BBX: variants seen among roughly 807,000 people sequenced by gnomAD.
BBX encodes the protein HMG box transcription factor BBX.
A neutral mutation model predicts 100.2 loss-of-function variants in BBX; 30 were observed. The ratio of observed to expected loss-of-function variants is 0.30; its 90% confidence interval spans 0.22 to 0.41. BBX has a LOEUF of 0.41. Ranked by LOEUF, BBX falls within the 10% of genes least tolerant of loss-of-function variation. The pLI, the probability that BBX is intolerant of heterozygous loss-of-function variation, is 1.00. For missense variants in BBX, 1,023 were observed against 1,129.8 expected (o/e 0.91, Z 1.35); for synonymous variants, 376 against 388.1 (o/e 0.97, Z 0.37).
intron 3 of BBX, among the ~76,000 whole-genome samples, chr3:107,700,521 T>C (rs1235885297): frequency 1.3e-5 from 2 of 150,582 alleles, no homozygotes; most frequent in Admixed American, 1.3e-4. Context: ...ATGTGCCATG[T>C]TGGTGTGCTG....
At chr3:107,653,534 G>A (rs1157379988) in intron 3 of BBX, among the ~76,000 whole-genome samples, 1 of 152,156 alleles carries the variant, frequency 6.6e-6, no homozygotes, top group Admixed American at 6.5e-5. Context: ...CTATGAAGCT[G>A]ATAGACAAGA....
At chr3:107,720,681 C>G (rs2062465719) in intron 5 of BBX, among the ~76,000 whole-genome samples, 2 of 151,924 alleles carry the variant, frequency 1.3e-5, no homozygotes, top group Admixed American at 6.6e-5. Context: ...TGAAGGTGAA[C>G]TATAATGGCC....
At chr3:107,723,106 A>G (rs915058218) in intron 5 of BBX, among the ~76,000 whole-genome samples, 12 of 152,028 alleles carry the variant, frequency 7.9e-5, no homozygotes, top group Non-Finnish European at 1.3e-4. Context: ...ATGATACTTC[A>G]TATATTTGCA....
intron 15 of BBX, among the ~76,000 whole-genome samples, chr3:107,793,994 A>T (rs1005925732): frequency 2.0e-5 from 3 of 151,978 alleles, no homozygotes; most frequent in South Asian, 2.1e-4. Context: ...TATATGTATT[A>T]AAAAAAATTG....
intron 3 of BBX, chr3:107,684,657 C>G (rs561258193): frequency 6.6e-6 from 1 of 152,278 alleles, no homozygotes; most frequent in East Asian, 1.9e-4. Flanking sequence ...GAACAGTTTT[C>G]CCATAGTTGA....
Position 107,795,133 on chromosome 3 carries a change from G to A in BBX, c.2354-3390G>A, listed in dbSNP as rs924724044. Reference sequence around the variant, plus strand: ...TTTTCTTACATTTCCATTAGGTTGCGGGTTGTCGGGAGGAACTAGCTTGCT... The same window carrying A: ...TTTTCTTACATTTCCATTAGGTTGCAGGTTGTCGGGAGGAACTAGCTTGCT... On this transcript the variant is annotated intron_variant, in intron 15 of 17. Coordinates refer to ENST00000325805, the MANE Select transcript of BBX (RefSeq NM_001142568.3). Among the ~76,000 whole-genome samples the A allele has an allele frequency of 4.6e-5, 7 of 152,156 alleles. No homozygotes were observed. The East Asian group carries it at 5.8e-4, about 13-fold the overall frequency.
At chr3:107,593,965 A>T (rs2053509036) in intron 2 of BBX, among the ~76,000 whole-genome samples, 1 of 152,136 alleles carries the variant, frequency 6.6e-6, no homozygotes, top group Non-Finnish European at 1.5e-5. Context: ...GTTGAGAGGG[A>T]GGTTTTGCTG....
intron 2 of BBX, among the ~76,000 whole-genome samples, chr3:107,609,309 G>A (rs2054666026): frequency 6.6e-6 from 1 of 152,072 alleles, no homozygotes; most frequent in Admixed American, 6.6e-5. Context: ...GAGGAGTTTT[G>A]CATCTGGGTT....
chr3:107,559,013 A>G (rs2050288968), intron 2 of BBX, among the ~76,000 whole-genome samples: 1 of 152,232 alleles, frequency 6.6e-6, no homozygotes, highest in African/African-American at 2.4e-5. Flanking sequence ...CAGAAGGAAT[A>G]GCCTGAGAAA....
intron 2 of BBX, among the ~76,000 whole-genome samples, chr3:107,588,342 G>C (rs551288941): frequency 2.7e-5 from 4 of 148,194 alleles, no homozygotes; most frequent in African/African-American, 4.9e-5. Flanking sequence ...AGTAAGGGGG[G>C]GCCTGGAGCA....
chr3:107,700,763 G>T (rs1459864877), intron 3 of BBX, among the ~76,000 whole-genome samples: 2 of 151,662 alleles, frequency 1.3e-5, no homozygotes, highest in African/African-American at 4.9e-5. Context: ...CAAAGGACAT[G>T]AACTCATCAT....
intron 5 of BBX, among the ~76,000 whole-genome samples, chr3:107,719,535 T>G (rs1373500404): frequency 2.0e-5 from 3 of 152,040 alleles, no homozygotes; most frequent in Non-Finnish European, 4.4e-5. Context: ...TGGGATTTGT[T>G]TTTAGTTTCT....
rs370625535 is a variant in BBX, at chr3:107,584,157, AT to A, written c.-84+57760del. On this transcript the variant is annotated intron_variant, in intron 2 of 17. Transcript: ENST00000325805. Reference sequence around the variant, plus strand: ...TTATATATATTATATATAATATATGATATATATATTATTATATATATTATAT... The same window carrying A: ...TTATATATATTATATATAATATATGAATATATATTATTATATATATTATAT... 1.8e-3 allele frequency among the ~76,000 whole-genome samples: 55 copies of A among 31,360 alleles called. 4 individuals are homozygous for A. Among genetic ancestry groups the A allele is most frequent in the South Asian group, 9.0e-3 (16 of 1,786 alleles). The allele number at this position is 31,360 out of a possible 152,430, so 20.6% of individuals were successfully genotyped here. A position where few individuals can be genotyped will look rare whatever the true frequency, so the allele number is the denominator to read the frequency against.
intron 15 of BBX, among the ~76,000 whole-genome samples, chr3:107,795,622 T>C (rs2069556719): frequency 7.1e-6 from 1 of 141,666 alleles, no homozygotes; most frequent in African/African-American, 2.7e-5. Flanking sequence ...TCTTTTTTTT[T>C]TTTTTTTTTT....
intron 15 of BBX, among the ~76,000 whole-genome samples, chr3:107,795,438 T>C (rs886776697): frequency 2.6e-5 from 4 of 152,106 alleles, no homozygotes; most frequent in Non-Finnish European, 2.9e-5. Flanking sequence ...AGAACATTAG[T>C]CTGGACCCTT....
chr3:107,798,827 C>T (rs1450428186), intron 16 of BBX, 107 bp downstream of exon 16: 1 of 872,148 alleles, frequency 1.1e-6, no homozygotes, highest in Non-Finnish European at 1.7e-6. Context: ...TAACAATAGC[C>T]AATGAGCTAA....
chr3:107,767,184 A>G (rs1026063139), intron 10 of BBX, among the ~76,000 whole-genome samples: 1 of 152,328 alleles, frequency 6.6e-6, no homozygotes, highest in Non-Finnish European at 1.5e-5. Flanking sequence ...TATGTATCCC[A>G]TAACTTAAAG....
intron 10 of BBX, among the ~76,000 whole-genome samples, chr3:107,761,059 G>C (rs1166419062): frequency 1.3e-5 from 2 of 152,136 alleles, no homozygotes; most frequent in African/African-American, 4.8e-5. Flanking sequence ...GAGGCCAACA[G>C]TCATTGCCAT....
At chr3:107,638,782 C>T (rs1186404149) in intron 2 of BBX, among the ~76,000 whole-genome samples, 3 of 1,854 alleles carry the variant, frequency 1.6e-3, no homozygotes, top group Non-Finnish European at 2.5e-3. Flanking sequence ...AAAAAGTATA[C>T]ACACACACAC....
Sources: gnomAD v4.1 joint callset for allele counts (sites outside exome capture counted in the v4.1 genomes callset) on GRCh38, gnomAD v4.1.1 for gene constraint, MANE v1.5 for transcripts, NCBI Gene and HGNC (gene_info 2026-07-23, HGNC 2026-07-21) for gene names.